OR2T10: variants seen among roughly 807,000 people sequenced by gnomAD.
The protein encoded by OR2T10 is olfactory receptor 2T10.
For missense variants in OR2T10, 335 were observed against 382.5 expected (o/e 0.88, Z 1.04); for synonymous variants, 125 against 141.8 (o/e 0.88, Z 0.84).
At position 248,591,972 on chromosome 1, in the gene OR2T10, A is replaced by T. The variant is rs751209188; in HGVS notation, c.*858T>A. On this transcript the variant is annotated 3_prime_UTR_variant, in exon 2 of 2. Coordinates refer to ENST00000642090, the MANE Select transcript of OR2T10 (RefSeq NM_001004693.2). ...TTGTTAAATACAAATACAACCATGCACATACGTAAAACTGTGATTTGAAAT... is the reference window on the plus strand; with the variant it reads ...TTGTTAAATACAAATACAACCATGCTCATACGTAAAACTGTGATTTGAAAT... 2 of 144,220 alleles carry T rather than the reference A, an allele frequency of 1.4e-5. No individual in the cohort carries two copies. Among genetic ancestry groups the T allele is most frequent in the Non-Finnish European group, 3.0e-5 (2 of 66,456 alleles). The allele number at this position is 144,220 out of a possible 1,614,324, so 8.9% of individuals were successfully genotyped here.
In OR2T10 at chr1:248,592,620, GGACTA is replaced by G. The variant is rs1572088250; in HGVS notation, c.*205_*209del. On this transcript the variant is annotated 3_prime_UTR_variant, in exon 2 of 2. Coordinates refer to ENST00000642090, the MANE Select transcript of OR2T10 (RefSeq NM_001004693.2). ...AAAGGACCATTGGCCCCGAAGGACT[GGACTA>G]GAGATCAATGCTACGAGGGAAGGGG... 2.3e-5 allele frequency: 10 copies of G among 435,334 alleles called. 1 individual carries two copies. Among genetic ancestry groups the G allele is most frequent in the Middle Eastern group, 3.8e-4 (1 of 2,656 alleles). 27.0% of individuals were successfully genotyped at this position (435,334 alleles called of 1,614,324 possible).
chr1:248,591,966 C>G lies in OR2T10; in HGVS notation c.*864G>C, dbSNP rs569737940. ...TGTTATTTGTTAAATACAAATACAACCATGCACATACGTAAAACTGTGATT... is the reference window on the plus strand; with the variant it reads ...TGTTATTTGTTAAATACAAATACAAGCATGCACATACGTAAAACTGTGATT... On this transcript the variant is annotated 3_prime_UTR_variant, in exon 2 of 2. Transcript: ENST00000642090. 2.1e-5 allele frequency: 3 copies of G among 143,996 alleles called. No homozygotes were observed. The highest frequency in any genetic ancestry group is 4.5e-5 in the Non-Finnish European group (3 of 66,402). 8.9% of individuals were successfully genotyped at this position (143,996 alleles called of 1,614,324 possible).
In OR2T10 at chr1:248,593,114, A is replaced by G; in HGVS notation, c.655T>C (p.Tyr219His). The G allele has an allele frequency of 6.4e-7, 1 of 1,573,208 alleles. No individual in the cohort carries two copies. The highest frequency in any genetic ancestry group is 8.6e-7 in the Non-Finnish European group (1 of 1,156,906). ...TTATGGATGGTGAGGATGATATAGT[A>G]GTAAGACACTGAAATGACCGTCACA... ...IPVTVISVSY[Y>H]YIILTIHKMN... Residue 219 changes from tyrosine (Y) to histidine (H), a missense_variant, in exon 2 of 2, where the codon TAC (tyrosine) becomes CAC (histidine). Tyr to His is a moderately conservative substitution (Grantham distance 83). Transcript: ENST00000642090.
intron 1 of OR2T10, among the ~76,000 whole-genome samples, chr1:248,597,191 T>G (rs2103089834): frequency 7.0e-6 from 1 of 142,940 alleles, no homozygotes; most frequent in East Asian, 2.0e-4. Context: ...TTTTTTCCAT[T>G]TATACCTGTA....
In OR2T10 at chr1:248,593,366, GCA is replaced by G. The variant is rs778595022; in HGVS notation, c.401_402del (p.Val134AlafsTer5). On this transcript the variant is annotated frameshift_variant, in exon 2 of 2. Coordinates refer to ENST00000642090, the MANE Select transcript of OR2T10 (RefSeq NM_001004693.2). LOFTEE classifies it low-confidence loss of function (END_TRUNC). ...VAICHPLRYSVLMSHRVCLLL... is the reference protein window; with the variant it reads ...VAICHPLRYSXLMSHRVCLLL... ...AGGAGACATACCCTATGGCTCATGAGCACAGAGTAACGGAGAGGATGGCAGAT... is the reference window on the plus strand; with the variant it reads ...AGGAGACATACCCTATGGCTCATGAGCAGAGTAACGGAGAGGATGGCAGAT... The G allele has an allele frequency of 1.9e-6, 3 of 1,573,038 alleles. 1 individual carries two copies. In the South Asian group the frequency reaches 3.4e-5, roughly 18 times the overall value.
In OR2T10 at chr1:248,590,588, A is replaced by G. The variant is rs1442867685; in HGVS notation, c.*2242T>C. 1 of 143,918 alleles carries G rather than the reference A, an allele frequency of 6.9e-6. No homozygotes were observed. Among genetic ancestry groups the G allele is most frequent in the Non-Finnish European group, 1.5e-5 (1 of 66,384 alleles). The allele number at this position is 143,918 out of a possible 1,614,324, so 8.9% of individuals were successfully genotyped here. A position where few individuals can be genotyped will look rare whatever the true frequency, so the allele number is the denominator to read the frequency against. ...TACATGCATGCAATGTGTAATAATT[A>G]CTGATATAATTGGGGTTCTATGTGA... On this transcript the variant is annotated 3_prime_UTR_variant, in exon 2 of 2. Transcript: ENST00000642090.
In OR2T10 at chr1:248,591,694, C is replaced by A. The variant is rs1660001855; in HGVS notation, c.*1136G>T. ...GCAGTGTGGAAAAGGCCACAGACTC[C>A]ACAAGACGTGGCACATGCAGTGGTC... On this transcript the variant is annotated 3_prime_UTR_variant, in exon 2 of 2. Transcript: ENST00000642090. The A allele has an allele frequency of 6.9e-6, 1 of 144,044 alleles. No individual in the cohort carries two copies. The highest frequency in any genetic ancestry group is 1.5e-5 in the Non-Finnish European group (1 of 66,394). The allele number at this position is 144,044 out of a possible 1,614,324, so 8.9% of individuals were successfully genotyped here.
In OR2T10 at chr1:248,591,983, AC is replaced by A. The variant is rs1222464264; in HGVS notation, c.*846del. ...AAATACAACCATGCACATACGTAAAACTGTGATTTGAAATTATATTCTAAGT... is the reference window on the plus strand; with the variant it reads ...AAATACAACCATGCACATACGTAAAATGTGATTTGAAATTATATTCTAAGT... On this transcript the variant is annotated 3_prime_UTR_variant, in exon 2 of 2. Transcript: ENST00000642090. 2 of 144,112 alleles carry A rather than the reference AC, an allele frequency of 1.4e-5. No homozygotes were observed. Among genetic ancestry groups the A allele is most frequent in the African/African-American group, 5.4e-5 (2 of 36,806 alleles). The allele number at this position is 144,112 out of a possible 1,614,324, so 8.9% of individuals were successfully genotyped here. A position where few individuals can be genotyped will look rare whatever the true frequency, so the allele number is the denominator to read the frequency against.
At chr1:248,596,040 G>A (rs1475513335) in intron 1 of OR2T10, among the ~76,000 whole-genome samples, 1 of 143,320 alleles carries the variant, frequency 7.0e-6, no homozygotes, top group African/African-American at 2.7e-5. Flanking sequence ...GGTACGCCTG[G>A]ACCAAAGGCG....
rs1036644237 is a variant in OR2T10, at chr1:248,591,177, A to G, written c.*1653T>C. On this transcript the variant is annotated 3_prime_UTR_variant, in exon 2 of 2. Transcript: ENST00000642090. ...CTCTGTCTTGAAAGCATTTCTCCCA[A>G]TATCAATGTGGCTCATTAACTTGTA... is the stretch of plus-strand genomic sequence containing the variant. 4 of 142,868 alleles carry G rather than the reference A, an allele frequency of 2.8e-5. 1 individual carries two copies. The highest frequency in any genetic ancestry group is 5.5e-5 in the African/African-American group (2 of 36,146). 8.9% of individuals were successfully genotyped at this position (142,868 alleles called of 1,614,324 possible). A position where few individuals can be genotyped will look rare whatever the true frequency, so the allele number is the denominator to read the frequency against.
At position 248,593,678 on chromosome 1, in the gene OR2T10, T is replaced by C; in HGVS notation, c.91A>G (p.Ile31Val). 6.4e-7 allele frequency: 1 copy of C among 1,560,756 alleles called. No homozygotes were observed. The highest frequency in any genetic ancestry group is 8.7e-7 in the Non-Finnish European group (1 of 1,148,862). Reference protein sequence around the residue: ...ISHPGRLCLLIFSIFLMAVSW... With the variant: ...ISHPGRLCLLVFSIFLMAVSW... ...ACAGCCATCAAAAATATACTGAAGA[T>C]AAGCAAGCAGAGGCGGCCAGGGTGT... The change falls in exon 2 of 2, where the codon ATC (isoleucine) becomes GTC (valine). Residue 31 changes from isoleucine (I) to valine (V), a missense_variant. Ile to Val is a conservative substitution (Grantham distance 29, BLOSUM62 3). Transcript: ENST00000642090.
rs147441701 is a variant in OR2T10, at chr1:248,592,874, T to C, written c.895A>G (p.Arg299Gly). 2.3e-4 allele frequency: 361 copies of C among 1,566,438 alleles called. 73 individuals carry two copies. The African/African-American group carries it at 5.2e-3, about 23-fold the overall frequency. Residue 299 changes from arginine (R) to glycine (G), a missense_variant, in exon 2 of 2, where the codon AGG becomes GGG. Arg to Gly is a moderately radical substitution (Grantham distance 125). Coordinates refer to ENST00000642090, the MANE Select transcript of OR2T10 (RefSeq NM_001004693.2). Reference protein sequence around the residue: ...IYSFRNKDVTRALKKMLSVQK... With the variant: ...IYSFRNKDVTGALKKMLSVQK... ...ACGCTCAGCATTTTTTTCAAAGCCC[T>C]TGTGACATCCTTATTCCTGAAACTG...
chr1:248,592,774 A>T lies in OR2T10; in HGVS notation c.*56T>A. 1 of 1,050,606 alleles carries T rather than the reference A, an allele frequency of 9.5e-7. No homozygotes were observed. Among genetic ancestry groups the T allele is most frequent in the Non-Finnish European group, 1.4e-6 (1 of 721,614 alleles). The allele number at this position is 1,050,606 out of a possible 1,614,324, so 65.1% of individuals were successfully genotyped here. A position where few individuals can be genotyped will look rare whatever the true frequency, so the allele number is the denominator to read the frequency against. On this transcript the variant is annotated 3_prime_UTR_variant, in exon 2 of 2. Transcript: ENST00000642090. ...TATGCTGATTGTTTGGTGGAAGGAC[A>T]CCTAAAGTGAAGAGAGACTCTAAGA...
rs772598617 is a variant in OR2T10 at position 248,593,420 on chromosome 1, C to A, written c.349G>T (p.Ala117Ser). The A allele has an allele frequency of 5.7e-6, 9 of 1,571,732 alleles. 2 individuals carry two copies. The highest frequency in any genetic ancestry group is 1.7e-4 in the Middle Eastern group (1 of 5,972). ...LGGAECCLLAAMAYDRYVAIC... is the reference protein window; with the variant it reads ...LGGAECCLLASMAYDRYVAIC... ...GCCACATAGCGGTCATAGGCCATGG[C>A]GGCTAGAAGGCAGCACTCTGCACCT... The change falls in exon 2 of 2, where the codon GCC (alanine) becomes TCC (serine). Residue 117 changes from alanine (A) to serine (S), a missense_variant. Transcript: ENST00000642090.
In OR2T10 at chr1:248,596,983, AAG is replaced by A. The variant is rs1406362839; in HGVS notation, c.-29+507_-29+508del. Among the ~76,000 whole-genome samples the A allele has an allele frequency of 8.4e-5, 12 of 143,662 alleles. 2 individuals are homozygous for A. The highest frequency in any genetic ancestry group is 3.3e-4 in the African/African-American group (12 of 36,570). 94.2% of individuals were successfully genotyped at this position (143,662 alleles called of 152,430 possible). A position where few individuals can be genotyped will look rare whatever the true frequency, so the allele number is the denominator to read the frequency against. On this transcript the variant is annotated intron_variant, in intron 1 of 1. Transcript: ENST00000642090. ...GGAGGAAAGGAAGGGAGGGAGGAAG[AAG>A]AGAGGAAAAGAAAACTAATATTCAA... is the stretch of plus-strand genomic sequence containing the variant.
Position 248,592,795 on chromosome 1 carries a change from TA to T in OR2T10, c.*34del. 8.0e-7 allele frequency: 1 copy of T among 1,244,888 alleles called. No homozygotes were observed. The highest frequency in any genetic ancestry group is 1.1e-6 in the Non-Finnish European group (1 of 888,572). 77.1% of individuals were successfully genotyped at this position (1,244,888 alleles called of 1,614,324 possible). A position where few individuals can be genotyped will look rare whatever the true frequency, so the allele number is the denominator to read the frequency against. ...GGACACCTAAAGTGAAGAGAGACTC[TA>T]AGAAGAGAGGACCAACTTAAGTTCT... On this transcript the variant is annotated 3_prime_UTR_variant, in exon 2 of 2. Coordinates refer to ENST00000642090, the MANE Select transcript of OR2T10 (RefSeq NM_001004693.2).
At position 248,592,638 on chromosome 1, in the gene OR2T10, A is replaced by C; in HGVS notation, c.*192T>G. The stretch of plus-strand genomic sequence containing the variant: ...AAGGACTGGACTAGAGATCAATGCT[A>C]CGAGGGAAGGGGGGGATAAGTGAAC... On this transcript the variant is annotated 3_prime_UTR_variant, in exon 2 of 2. Transcript: ENST00000642090. The C allele has an allele frequency of 2.2e-6, 1 of 459,954 alleles. No individual in the cohort carries two copies. The allele number at this position is 459,954 out of a possible 1,614,324, so 28.5% of individuals were successfully genotyped here.
Position 248,593,527 on chromosome 1 carries a change from A to G in OR2T10, c.242T>C (p.Met81Thr). The change falls in exon 2 of 2, where the codon ATG becomes ACG. Residue 81 changes from methionine (M) to threonine (T), a missense_variant. Transcript: ENST00000642090. ...GTCTTTGGCCAGCTGGTTCACCAGC[A>G]TTTTGGGGACAGTGACAGAAATATA... ...LTYISVTVPK[M>T]LVNQLAKDKT... is the part of the protein sequence containing the mutation. 6.4e-7 allele frequency: 1 copy of G among 1,571,798 alleles called. No individual in the cohort carries two copies. Among genetic ancestry groups the G allele is most frequent in the Non-Finnish European group, 8.7e-7 (1 of 1,155,948 alleles).
In OR2T10 at chr1:248,592,851, G is replaced by T; in HGVS notation, c.918C>A (p.Ser306Arg). The change falls in exon 2 of 2, where the codon AGC becomes AGA. Residue 306 changes from serine to arginine, a missense_variant. Ser to Arg is a moderately radical substitution (Grantham distance 110, BLOSUM62 -1). Transcript: ENST00000642090. ...DVTRALKKML[S>R]VQKPPY The stretch of plus-strand genomic sequence containing the variant: ...CACTTTAATATGGAGGTTTCTGCAC[G>T]CTCAGCATTTTTTTCAAAGCCCTTG... The T allele has an allele frequency of 1.3e-6, 2 of 1,547,618 alleles. No individual in the cohort carries two copies. Among genetic ancestry groups the T allele is most frequent in the East Asian group, 2.3e-5 (1 of 43,510 alleles).
Sources: gnomAD v4.1 joint callset for allele counts (sites outside exome capture counted in the v4.1 genomes callset) on GRCh38, gnomAD v4.1.1 for gene constraint, MANE v1.5 for transcripts, NCBI Gene and HGNC (gene_info 2026-07-23, HGNC 2026-07-21) for gene names.